The following APPL1 variants were observed in gnomAD, a reference collection of about 807,000 sequenced individuals.
APPL1 encodes adaptor protein, phosphotyrosine interacting with PH domain and leucine zipper 1.
Under a neutral mutation model 106.8 loss-of-function variants are expected in APPL1, and 42 were observed. The observed-to-expected ratio is 0.39, with a 90% confidence interval of 0.31 to 0.51. APPL1 has a LOEUF of 0.51. Among genes scored for constraint, APPL1 ranks in the 20% least tolerant of loss-of-function variants. APPL1 has a pLI of 0.75. For missense variants in APPL1, 769 were observed against 858.2 expected, an observed-to-expected ratio of 0.90 and a Z score of 1.30; for synonymous variants, 263 against 281.8, an observed-to-expected ratio of 0.93 and a Z score of 0.67.
chr3:57,272,012 G>GT lies in APPL1; in HGVS notation c.*2327dup, dbSNP rs2060944565. 6.6e-6 allele frequency: 1 copy of GT among 152,158 alleles called. No individual in the cohort carries two copies. Among genetic ancestry groups the GT allele is most frequent in the African/African-American group, 2.4e-5 (1 of 41,440 alleles). The allele number at this position is 152,158 out of a possible 1,614,324, so 9.4% of individuals were successfully genotyped here. A position where few individuals can be genotyped will look rare whatever the true frequency, so the allele number is the denominator to read the frequency against. On this transcript the variant is annotated 3_prime_UTR_variant, in exon 22 of 22. Coordinates refer to ENST00000288266, the MANE Select transcript of APPL1 (RefSeq NM_012096.3). ...TTTCTGCCTAGTGGTAAAGCTGATT[G>GT]TTACCCTCCTTTGAAATCCCTTCTA...
chr3:57,253,964 G>A (rs1410617471), intron 13 of APPL1, among the ~76,000 whole-genome samples: 1 of 150,618 alleles, frequency 6.6e-6, no homozygotes, highest in Admixed American at 6.7e-5. Flanking sequence ...CCAGGTTCAA[G>A]CGATTCTCCT....
Position 57,257,431 on chromosome 3 carries a change from G to C in APPL1, c.1430+3G>C, listed in dbSNP as rs773208881. 6.2e-7 allele frequency: 1 copy of C among 1,608,922 alleles called. No homozygotes were observed. Among genetic ancestry groups the C allele is most frequent in the African/African-American group, 1.3e-5 (1 of 74,886 alleles). On this transcript the variant is annotated splice_donor_region_variant and intron_variant, in intron 15 of 21. Transcript: ENST00000288266. ...AAAGCCTTTGGCCAGGGAGGCAGGT[G>C]GGTGATAGCATCACAGGTACATTGT...
At chr3:57,241,437 C>T (rs558171936) in intron 5 of APPL1, among the ~76,000 whole-genome samples, 1 of 152,234 alleles carries the variant, frequency 6.6e-6, no homozygotes, top group South Asian at 2.1e-4. Context: ...GTAATCTCAG[C>T]CATACACACT....
At chr3:57,255,744 T>C (rs1291600610) in intron 13 of APPL1, among the ~76,000 whole-genome samples, 1 of 152,208 alleles carries the variant, frequency 6.6e-6, no homozygotes, top group African/African-American at 2.4e-5. Context: ...TTTGATCTCC[T>C]GCCAATCTAG....
chr3:57,237,601 G>A, intron 3 of APPL1, 50 bp downstream of exon 3: 1 of 1,294,076 alleles, frequency 7.7e-7, no homozygotes, highest in Non-Finnish European at 1.1e-6. Flanking sequence ...TATAGTATCT[G>A]TATAGATAGA....
rs2060946808 is a variant in APPL1, at chr3:57,272,212, C to G, written c.*2525C>G. On this transcript the variant is annotated 3_prime_UTR_variant, in exon 22 of 22. Coordinates refer to ENST00000288266, the MANE Select transcript of APPL1 (RefSeq NM_012096.3). ...ACCTATTTGAACAGTATGTTTGTAACTATGGCAATGAAGTCAGTAGATAGG... is the reference window on the plus strand; with the variant it reads ...ACCTATTTGAACAGTATGTTTGTAAGTATGGCAATGAAGTCAGTAGATAGG... The G allele has an allele frequency of 6.6e-6, 1 of 152,118 alleles. No individual in the cohort carries two copies. Among genetic ancestry groups the G allele is most frequent in the Non-Finnish European group, 1.5e-5 (1 of 68,034 alleles). 9.4% of individuals were successfully genotyped at this position (152,118 alleles called of 1,614,324 possible). A position where few individuals can be genotyped will look rare whatever the true frequency, so the allele number is the denominator to read the frequency against.
chr3:57,259,113 G>A (rs770975198), intron 16 of APPL1, 33 bp downstream of exon 16: 1 of 1,549,748 alleles, frequency 6.5e-7, no homozygotes, highest in Admixed American at 1.8e-5. Flanking sequence ...ATATATTTTA[G>A]AACTGCTTCT....
rs747887921 is a variant in APPL1, at chr3:57,259,080, G to A, written c.1483G>A (p.Asp495Asn). 5.0e-6 allele frequency: 8 copies of A among 1,611,084 alleles called. No individual in the cohort carries two copies. In the South Asian group the frequency reaches 7.7e-5, roughly 16 times the overall value. ...SGGSTKSETE[D>N]SILHQLFIVR... ...AGGAAGTACAAAATCTGAAACTGAA[G>A]GTAAGACAGATGTGCAGCATTCATA... The change falls in exon 16 of 22, where the codon GAT becomes AAT. Residue 495 changes from aspartate (D) to asparagine (N), a missense_variant and splice_region_variant. Coordinates refer to ENST00000288266, the MANE Select transcript of APPL1 (RefSeq NM_012096.3).
At position 57,242,898 on chromosome 3, in the gene APPL1, A is replaced by C; in HGVS notation, c.458A>C (p.Lys153Thr). 1 of 1,611,920 alleles carries C rather than the reference A, an allele frequency of 6.2e-7. No individual in the cohort carries two copies. The highest frequency in any genetic ancestry group is 8.5e-7 in the Non-Finnish European group (1 of 1,178,480). ...AINRYSRLSK[K>T]RENDKVKYEV... ...AATAGATATAGCCGTTTATCAAAAA[A>C]AAGAGAAAATGACAAGGTGTGGTAC... Residue 153 changes from lysine (K) to threonine (T), a missense_variant, in exon 7 of 22, where the codon AAA becomes ACA. Physicochemically the swap from Lys to Thr is moderately conservative, Grantham distance 78. Coordinates refer to ENST00000288266, the MANE Select transcript of APPL1 (RefSeq NM_012096.3).
intron 19 of APPL1, among the ~76,000 whole-genome samples, chr3:57,265,147 T>C (rs989050091): frequency 6.9e-6 from 1 of 144,538 alleles, no homozygotes; most frequent in African/African-American, 2.4e-5. Context: ...TAGTTTTTTG[T>C]TTTTTTTGTT....
rs777612345 is a variant in APPL1, at chr3:57,259,873, C to T, written c.1512C>T (p.Val504=). ...EDSILHQLFI[V]RFLGSMEVKS... is the part of the protein sequence containing the mutation. ...CTATTCTTCATCAGTTATTTATTGTCCGATTCCTTGGTTCAATGGAGGTGA... is the reference window on the plus strand; with the variant it reads ...CTATTCTTCATCAGTTATTTATTGTTCGATTCCTTGGTTCAATGGAGGTGA... The change falls in exon 17 of 22, where the codon GTC becomes GTT. Residue 504 remains valine (V), a synonymous_variant. Transcript: ENST00000288266. 139 of 1,606,982 alleles carry T rather than the reference C, an allele frequency of 8.6e-5. No individual in the cohort carries two copies. The highest frequency in any genetic ancestry group is 2.7e-5 in the Non-Finnish European group (32 of 1,178,116).
At chr3:57,262,410 T>TTTTTTTTA (rs869046266) in intron 19 of APPL1, among the ~76,000 whole-genome samples, 2 of 140,070 alleles carry the variant, frequency 1.4e-5, no homozygotes, top group African/African-American at 2.6e-5. Context: ...TTTTTTTTTT[T>TTTTTTTTA]GAGACAGACT....
At chr3:57,229,931 C>G (rs1294148867) in intron 1 of APPL1, among the ~76,000 whole-genome samples, 1 of 152,058 alleles carries the variant, frequency 6.6e-6, no homozygotes, top group Non-Finnish European at 1.5e-5. Context: ...CCAGGCTGGT[C>G]TCGAACTCCT....
At chr3:57,245,665 C>A (rs1429625102) in intron 7 of APPL1, among the ~76,000 whole-genome samples, 1 of 151,976 alleles carries the variant, frequency 6.6e-6, no homozygotes, top group Admixed American at 6.6e-5. Context: ...GCCTCGGCCT[C>A]CCCAGTAGCT....
chr3:57,239,949 C>G (rs1290080805), intron 4 of APPL1, among the ~76,000 whole-genome samples: 1 of 152,040 alleles, frequency 6.6e-6, no homozygotes, highest in Non-Finnish European at 1.5e-5. Flanking sequence ...TTCTTAATGT[C>G]TAATGATATT....
chr3:57,237,894 A>T, intron 3 of APPL1, 151 bp from the exon 4 acceptor site: 1 of 617,644 alleles, frequency 1.6e-6, no homozygotes. Flanking sequence ...TGTTTATTAT[A>T]TACATTACAC....
At chr3:57,257,722 C>T (rs1321061661) in intron 15 of APPL1, among the ~76,000 whole-genome samples, 2 of 152,090 alleles carry the variant, frequency 1.3e-5, no homozygotes, top group African/African-American at 4.8e-5. Flanking sequence ...TGATAGCTGT[C>T]TTTAGGTCAT....
intron 18 of APPL1, chr3:57,260,384 T>A (rs2060858742): frequency 1.8e-6 from 1 of 561,142 alleles, no homozygotes; most frequent in Admixed American, 3.8e-5. Flanking sequence ...AACACAGTTC[T>A]TTTTGACTTT....
chr3:57,237,417 T>C, intron 2 of APPL1, 75 bp from the exon 3 acceptor site: 1 of 990,790 alleles, frequency 1.0e-6, no homozygotes, highest in Non-Finnish European at 1.5e-6. Flanking sequence ...TGATAATAAA[T>C]AAATTAGGTA....
Sources: allele counts gnomAD v4.1 joint callset (sites outside exome capture counted in the v4.1 genomes callset), GRCh38; gene constraint gnomAD v4.1.1; transcripts MANE v1.5; gene names NCBI Gene and HGNC (gene_info 2026-07-23, HGNC 2026-07-21).